Variants in SLC24A2 observed in about 807,000 individuals in gnomAD.
SLC24A2 encodes solute carrier family 24 member 2, also known as sodium/potassium/calcium exchanger 2.
A neutral mutation model predicts 62.0 loss-of-function variants in SLC24A2; 36 were observed. The observed-to-expected ratio is 0.58, with a 90% CI of 0.44 to 0.77. The LOEUF (loss-of-function observed/expected upper bound fraction) is 0.77. SLC24A2 is among the 30% of genes least tolerant of loss of function. The pLI is 0.00. For missense variants in SLC24A2, 846 were observed against 817.9 expected (o/e 1.03, Z -0.42); for synonymous variants, 358 against 294.0 (o/e 1.22, Z -2.23).
the SLC24A2 span, among the ~76,000 whole-genome samples, chr9:20,009,744 C>T: frequency 6.6e-6 from 1 of 152,248 alleles, no homozygotes; most frequent in African/African-American, 2.4e-5. Context: ...AGGAGGCAAC[C>T]GGCAATTACC....
At chr9:19,880,634 G>T in the SLC24A2 span, among the ~76,000 whole-genome samples, 1 of 152,144 alleles carries the variant, frequency 6.6e-6, no homozygotes. Context: ...ATACTTAGAA[G>T]CCAAGCTAAC....
At chr9:20,116,883 G>T in the SLC24A2 span, among the ~76,000 whole-genome samples, 2 of 152,096 alleles carry the variant, frequency 1.3e-5, no homozygotes, top group Non-Finnish European at 2.9e-5. Flanking sequence ...AGAGAAATGA[G>T]AAACAAAAGC....
At position 19,741,412 on chromosome 9, in the gene SLC24A2, T is replaced by G. The variant is rs141441252; in HGVS notation, c.930+44525A>C. On this transcript the variant is annotated intron_variant, in intron 2 of 10. Coordinates refer to ENST00000341998, the MANE Select transcript of SLC24A2 (RefSeq NM_020344.4). ...GATTCGTCCCAGAGGTTGCATTGCC[T>G]TCTCTTCACAGCAGGTGAATTCAAT... Among the ~76,000 whole-genome samples the G allele has an allele frequency of 2.6e-3, 392 of 152,326 alleles. 1 individual carries two copies. Among genetic ancestry groups the G allele is most frequent in the Non-Finnish European group, 4.0e-3 (275 of 68,022 alleles).
At chr9:19,732,772 C>T (rs1587237163) in intron 2 of SLC24A2, among the ~76,000 whole-genome samples, 1 of 152,222 alleles carries the variant, frequency 6.6e-6, no homozygotes, top group Non-Finnish European at 1.5e-5. Context: ...ACACTGGCTG[C>T]CAGGGTCACT....
At chr9:19,709,457 T>C (rs1820644570) in intron 2 of SLC24A2, among the ~76,000 whole-genome samples, 3 of 152,252 alleles carry the variant, frequency 2.0e-5, no homozygotes, top group Middle Eastern at 3.4e-3. Flanking sequence ...CATGCACACG[T>C]ATGTTTATTG....
intron 5 of SLC24A2, among the ~76,000 whole-genome samples, chr9:19,581,100 C>G (rs1321786791): frequency 6.6e-6 from 1 of 152,150 alleles, no homozygotes; most frequent in Non-Finnish European, 1.5e-5. Flanking sequence ...TTGTTGCCAT[C>G]CTCTCTTCTC....
the SLC24A2 span, among the ~76,000 whole-genome samples, chr9:20,297,713 T>A: frequency 6.6e-6 from 1 of 152,228 alleles, no homozygotes; most frequent in Non-Finnish European, 1.5e-5. Flanking sequence ...GGGCGCTTCC[T>A]TGAGGAGGCT....
intron 8 of SLC24A2, among the ~76,000 whole-genome samples, chr9:19,533,312 T>G (rs1833795437): frequency 6.6e-6 from 1 of 152,164 alleles, no homozygotes; most frequent in African/African-American, 2.4e-5. Flanking sequence ...CTCTTTCCTC[T>G]CCGTATGTAT....
chr9:20,211,099 G>A, the SLC24A2 span, among the ~76,000 whole-genome samples: 1 of 148,038 alleles, frequency 6.8e-6, no homozygotes, highest in African/African-American at 2.4e-5. Flanking sequence ...AACAGCTGCT[G>A]GAGCTAATGG....
At chr9:19,895,931 C>A in the SLC24A2 span, 179 of 1,613,442 alleles carry the variant, frequency 1.1e-4, no homozygotes, top group African/African-American at 2.0e-3. Context: ...CTCATCAGGT[C>A]AAACAGCTGC....
chr9:20,299,794 C>A, the SLC24A2 span, among the ~76,000 whole-genome samples: 1 of 152,224 alleles, frequency 6.6e-6, no homozygotes, highest in Non-Finnish European at 1.5e-5. Context: ...TGCTCGATGT[C>A]ACAGATATCC....
intron 8 of SLC24A2, among the ~76,000 whole-genome samples, chr9:19,531,439 T>C (rs912740520): frequency 2.0e-5 from 3 of 152,224 alleles, no homozygotes; most frequent in African/African-American, 7.2e-5. Context: ...GACCTCATAC[T>C]AATTAGCAAA....
At chr9:20,014,517 T>TATATATATATGTATATATAC in the SLC24A2 span, among the ~76,000 whole-genome samples, 7 of 148,392 alleles carry the variant, frequency 4.7e-5, no homozygotes, top group African/African-American at 1.7e-4. Context: ...TATATATATA[T>TATATATATATGTATATATAC]ACACACACAC....
At chr9:19,666,702 G>A (rs964214782) in intron 2 of SLC24A2, among the ~76,000 whole-genome samples, 2 of 152,080 alleles carry the variant, frequency 1.3e-5, no homozygotes, top group Admixed American at 6.5e-5. Flanking sequence ...CTCTTGACTA[G>A]CAGCTTTTTT....
intron 2 of SLC24A2, among the ~76,000 whole-genome samples, chr9:19,655,164 T>C (rs1040107349): frequency 5.3e-5 from 8 of 152,212 alleles, no homozygotes; most frequent in African/African-American, 1.7e-4. Flanking sequence ...TATGGAAAAA[T>C]AAGTATCTAT....
the SLC24A2 span, among the ~76,000 whole-genome samples, chr9:20,056,271 G>A: frequency 2.0e-5 from 3 of 152,130 alleles, no homozygotes; most frequent in Non-Finnish European, 4.4e-5. Context: ...TGGCTGTATA[G>A]AAGACTATTA....
chr9:19,647,657 AAAAC>A (rs1818683242), intron 2 of SLC24A2, among the ~76,000 whole-genome samples: 2 of 152,200 alleles, frequency 1.3e-5, no homozygotes, highest in Non-Finnish European at 2.9e-5. Context: ...ATGAAAGGGG[AAAAC>A]AAACAAGATG....
chr9:20,051,655 C>T, the SLC24A2 span, among the ~76,000 whole-genome samples: 300 of 45,994 alleles, frequency 6.5e-3, 3 homozygotes, highest in African/African-American at 0.026. Context: ...TTTTTTCTTT[C>T]TCTTTTTTTT....
chr9:19,674,560 T>A (rs780048354), intron 2 of SLC24A2, among the ~76,000 whole-genome samples: 6 of 152,192 alleles, frequency 3.9e-5, no homozygotes, highest in South Asian at 2.1e-4. Flanking sequence ...TTCATTTTTT[T>A]AAAAAATTCT....
Sources: allele counts gnomAD v4.1 joint callset (sites outside exome capture counted in the v4.1 genomes callset), GRCh38; gene constraint gnomAD v4.1.1; transcripts MANE v1.5; gene names NCBI Gene and HGNC (gene_info 2026-07-23, HGNC 2026-07-21).